The following CADM2 variants were observed in gnomAD, a reference collection of about 807,000 sequenced individuals.
The protein encoded by CADM2 is immunoglobulin superfamily member 4D.
CADM2 carries 12 observed loss-of-function variants against 49.8 expected under a neutral mutation model. That is an observed-to-expected ratio of 0.24 (90% CI 0.15 to 0.39). The LOEUF is 0.39. CADM2 is among the 10% of genes least tolerant of loss of function. The probability of loss-of-function intolerance (pLI) is 1.00; values close to 1 mark genes in which losing one functional copy is unlikely to be tolerated. For synonymous variants in CADM2, 214 were observed against 175.4 expected (o/e 1.22, Z -1.74); for missense variants, 378 against 492.3 (o/e 0.77, Z 2.20).
chr3:84,993,367 T>C (rs1181398439), intron 1 of CADM2, among the ~76,000 whole-genome samples: 1 of 152,152 alleles, frequency 6.6e-6, no homozygotes, highest in South Asian at 2.1e-4. Context: ...AAAGCAATAC[T>C]CTCTCTGTTA....
At chr3:85,906,014 C>T (rs970582125) in intron 5 of CADM2, among the ~76,000 whole-genome samples, 1 of 152,048 alleles carries the variant, frequency 6.6e-6, no homozygotes, top group Non-Finnish European at 1.5e-5. Context: ...AGTTTGATTA[C>T]CAGAAAATTG....
intron 1 of CADM2, among the ~76,000 whole-genome samples, chr3:85,102,528 A>T (rs1245315564): frequency 6.6e-6 from 1 of 152,174 alleles, no homozygotes; most frequent in African/African-American, 2.4e-5. Context: ...AACAATAGGG[A>T]CCAATGCTCT....
At chr3:85,899,574 A>G (rs1326744152) in intron 5 of CADM2, among the ~76,000 whole-genome samples, 3 of 151,934 alleles carry the variant, frequency 2.0e-5, no homozygotes, top group African/African-American at 7.3e-5. Context: ...TTATTGTTGT[A>G]TATTTTCATA....
At chr3:85,290,970 T>C (rs1364664591) in intron 1 of CADM2, among the ~76,000 whole-genome samples, 1 of 152,178 alleles carries the variant, frequency 6.6e-6, no homozygotes, top group Non-Finnish European at 1.5e-5. Flanking sequence ...GAAGAAGGCT[T>C]CAGACGATCA....
At chr3:85,200,642 G>C (rs1199604583) in intron 1 of CADM2, among the ~76,000 whole-genome samples, 10 of 152,018 alleles carry the variant, frequency 6.6e-5, no homozygotes, top group Admixed American at 2.0e-4. Context: ...GAAACCTGGG[G>C]AACTAAAGAG....
intron 1 of CADM2, among the ~76,000 whole-genome samples, chr3:85,422,546 G>A (rs1319348942): frequency 1.3e-5 from 2 of 152,068 alleles, no homozygotes; most frequent in East Asian, 3.9e-4. Flanking sequence ...CAAAGTGCTG[G>A]GATTACAGGC....
chr3:85,947,613 G>C (rs1722906949), intron 7 of CADM2, among the ~76,000 whole-genome samples: 1 of 151,300 alleles, frequency 6.6e-6, no homozygotes, highest in Non-Finnish European at 1.5e-5. Context: ...CATATGGTTG[G>C]TCTTTTGCTT....
At chr3:85,663,759 G>T (rs1374477100) in intron 1 of CADM2, among the ~76,000 whole-genome samples, 1 of 151,896 alleles carries the variant, frequency 6.6e-6, no homozygotes, top group Non-Finnish European at 1.5e-5. Context: ...AATTATGATT[G>T]AATCCACTTC....
chr3:85,206,602 C>T (rs575202373), intron 1 of CADM2, among the ~76,000 whole-genome samples: 6 of 152,124 alleles, frequency 3.9e-5, no homozygotes, highest in Admixed American at 1.3e-4. Flanking sequence ...CCACCGCGCC[C>T]GGCCGAATTT....
intron 1 of CADM2, among the ~76,000 whole-genome samples, chr3:85,183,658 T>C (rs1427962546): frequency 6.6e-6 from 1 of 152,162 alleles, no homozygotes; most frequent in Non-Finnish European, 1.5e-5. Flanking sequence ...TCATAAATCT[T>C]ACTATTCCAT....
intron 1 of CADM2, among the ~76,000 whole-genome samples, chr3:85,481,580 G>T (rs541880530): frequency 3.3e-5 from 5 of 151,716 alleles, no homozygotes; most frequent in African/African-American, 1.2e-4. Context: ...AAGCTTTTGT[G>T]ATTCCCAGCC....
At chr3:85,065,437 T>C (rs1029525893) in intron 1 of CADM2, among the ~76,000 whole-genome samples, 6 of 152,130 alleles carry the variant, frequency 3.9e-5, no homozygotes, top group African/African-American at 1.4e-4. Flanking sequence ...CATTTTTCTT[T>C]CTGGTTCCCA....
At chr3:85,121,991 G>A (rs1308043604) in intron 1 of CADM2, among the ~76,000 whole-genome samples, 1 of 151,466 alleles carries the variant, frequency 6.6e-6, no homozygotes, top group Non-Finnish European at 1.5e-5. Context: ...CCTCAATCGA[G>A]TCCAATCTTT....
chr3:85,892,192 G>A (rs936441809), intron 5 of CADM2, among the ~76,000 whole-genome samples: 1 of 152,184 alleles, frequency 6.6e-6, no homozygotes. Context: ...TTTTTACAAA[G>A]AAATGGTTCT....
intron 1 of CADM2, among the ~76,000 whole-genome samples, chr3:85,571,990 G>A (rs550993043): frequency 6.6e-6 from 1 of 152,118 alleles, no homozygotes; most frequent in Non-Finnish European, 1.5e-5. Context: ...CAGGTTACTA[G>A]AGCTCTATTT....
intron 1 of CADM2, among the ~76,000 whole-genome samples, chr3:85,436,153 G>A (rs892871584): frequency 5.9e-5 from 9 of 151,954 alleles, no homozygotes; most frequent in Admixed American, 2.0e-4. Context: ...TTGTAAGTTG[G>A]ATTCCTAAGT....
At chr3:84,970,547 A>G (rs1013469773) in intron 1 of CADM2, among the ~76,000 whole-genome samples, 7 of 151,980 alleles carry the variant, frequency 4.6e-5, no homozygotes, top group Non-Finnish European at 5.9e-5. Flanking sequence ...CATGACTCTT[A>G]GCATTTGAAA....
At chr3:86,043,400 A>G (rs1458059577) in intron 8 of CADM2, among the ~76,000 whole-genome samples, 1 of 152,214 alleles carries the variant, frequency 6.6e-6, no homozygotes, top group Non-Finnish European at 1.5e-5. Flanking sequence ...TACAAAATCA[A>G]TGTGCAAAAA....
intron 1 of CADM2, among the ~76,000 whole-genome samples, chr3:85,214,666 C>A (rs115730430): frequency 0.018 from 2,772 of 152,004 alleles, 54 homozygotes; most frequent in African/African-American, 0.048. Context: ...AACCAAGCTG[C>A]AAGACAATGT....
Sources: allele counts gnomAD v4.1 joint callset (sites outside exome capture counted in the v4.1 genomes callset), GRCh38; gene constraint gnomAD v4.1.1; transcripts MANE v1.5; gene names NCBI Gene and HGNC (gene_info 2026-07-23, HGNC 2026-07-21).